ZUP1: variants seen among roughly 807,000 people sequenced by gnomAD.
ZUP1 encodes the protein zinc finger-containing ubiquitin peptidase 1.
A neutral mutation model predicts 68.1 loss-of-function variants in ZUP1; 55 were observed. The ratio of observed to expected loss-of-function variants is 0.81; its 90% CI spans 0.65 to 1.01. ZUP1 has a LOEUF of 1.01. Among genes scored for constraint, ZUP1 ranks in the 50% least tolerant of loss-of-function variants. The pLI is 0.00. For missense variants in ZUP1, 684 were observed against 674.9 expected (o/e 1.01, Z -0.15); for synonymous variants, 223 against 221.5 (o/e 1.01, Z -0.06).
Position 116,660,735 on chromosome 6 carries a change from C to G in ZUP1, c.670+1G>C, listed in dbSNP as rs1331959509. 1 of 1,546,598 alleles carries G rather than the reference C, an allele frequency of 6.5e-7. No individual in the cohort carries two copies. Among genetic ancestry groups the G allele is most frequent in the Non-Finnish European group, 8.9e-7 (1 of 1,125,418 alleles). On this transcript the variant is annotated splice_donor_variant, in intron 3 of 9. Transcript: ENST00000368576. LOFTEE classifies it high-confidence loss of function. ...TTTTATCTTCAAACATATAAACATA[C>G]CTTGCTGAAAGCTGTTTTCTTCCAA...
At chr6:116,642,742 C>CAA (rs1392459254) in intron 9 of ZUP1, among the ~76,000 whole-genome samples, 1 of 152,028 alleles carries the variant, frequency 6.6e-6, no homozygotes. Context: ...ACTGAATGGG[C>CAA]AAAAACTGGA....
intron 5 of ZUP1, among the ~76,000 whole-genome samples, chr6:116,654,836 C>T (rs1424835303): frequency 3.3e-5 from 5 of 152,036 alleles, no homozygotes; most frequent in African/African-American, 1.2e-4. Flanking sequence ...TGTATCATCT[C>T]ATAACCTGTT....
chr6:116,663,185 A>G (rs1414947340), intron 2 of ZUP1, among the ~76,000 whole-genome samples: 5 of 152,150 alleles, frequency 3.3e-5, no homozygotes, highest in Admixed American at 3.3e-4. Flanking sequence ...ACCACTCTAA[A>G]AAGTGTTTGA....
intron 2 of ZUP1, among the ~76,000 whole-genome samples, chr6:116,664,428 CA>C (rs59007786): frequency 0.31 from 37,704 of 119,998 alleles, 4,752 homozygotes; most frequent in Admixed American, 0.44. Context: ...AAAAGTCCAT[CA>C]AAAAAAAAAA....
Position 116,666,986 on chromosome 6 carries a change from T to C in ZUP1, c.207A>G (p.Gln69=), listed in dbSNP as rs751136322. 2 of 1,613,786 alleles carry C rather than the reference T, an allele frequency of 1.2e-6. No individual in the cohort carries two copies. Among genetic ancestry groups the C allele is most frequent in the Admixed American group, 1.7e-5 (1 of 60,012 alleles). ...CTTTCTTGTTATCTGAAGTTCCATA[T>C]TGTACTGTATTTATCCTCTCAAAGT... ...ERNFERINTV[Q]YGTSDNKKDN... The change falls in exon 2 of 10, where the codon CAA becomes CAG. Residue 69 remains glutamine, a synonymous_variant. Transcript: ENST00000368576.
chr6:116,654,296 T>C (rs1377726590), intron 5 of ZUP1, among the ~76,000 whole-genome samples: 1 of 151,764 alleles, frequency 6.6e-6, no homozygotes, highest in Non-Finnish European at 1.5e-5. Flanking sequence ...CACAAATAGG[T>C]GGAGAAAATG....
At chr6:116,645,400 G>A (rs764934312) in intron 9 of ZUP1, among the ~76,000 whole-genome samples, 5 of 151,646 alleles carry the variant, frequency 3.3e-5, no homozygotes, top group Non-Finnish European at 7.4e-5. Flanking sequence ...GGGCACCATG[G>A]TGAAACCCCG....
intron 5 of ZUP1, among the ~76,000 whole-genome samples, 172 bp from the exon 6 acceptor site, chr6:116,652,364 C>T (rs888050123): frequency 6.6e-6 from 1 of 152,118 alleles, no homozygotes. Flanking sequence ...TTACTACAGT[C>T]CAAGTTTCCT....
intron 9 of ZUP1, among the ~76,000 whole-genome samples, chr6:116,638,028 T>A (rs1775954330): frequency 7.1e-6 from 1 of 140,034 alleles, no homozygotes; most frequent in Non-Finnish European, 1.5e-5. Context: ...GTCAAGCCAC[T>A]GCACTCCAGC....
intron 2 of ZUP1, among the ~76,000 whole-genome samples, chr6:116,666,315 T>C (rs1777007742): frequency 6.6e-6 from 1 of 152,082 alleles, no homozygotes; most frequent in Non-Finnish European, 1.5e-5. Context: ...GGAGTCAAAA[T>C]AGAACTCAAT....
chr6:116,646,024 T>C (rs918251253), intron 8 of ZUP1, 90 bp from the exon 9 acceptor site: 8 of 884,942 alleles, frequency 9.0e-6, no homozygotes, highest in African/African-American at 1.7e-5. Context: ...ATCATATGTG[T>C]GTTTAGAATA....
At chr6:116,665,545 T>G (rs1776972867) in intron 2 of ZUP1, among the ~76,000 whole-genome samples, 3 of 149,972 alleles carry the variant, frequency 2.0e-5, no homozygotes, top group South Asian at 4.2e-4. Flanking sequence ...AAAGAACTTG[T>G]ATCCAAAATA....
intron 3 of ZUP1, among the ~76,000 whole-genome samples, chr6:116,659,628 A>T (rs1299651149): frequency 1.4e-5 from 2 of 148,074 alleles, no homozygotes; most frequent in Non-Finnish European, 2.9e-5. Context: ...AGAAAAAAAA[A>T]AAAATAAAGA....
chr6:116,658,913 C>G lies in ZUP1; in HGVS notation c.682G>C (p.Val228Leu), dbSNP rs112955838. ...AATTGTAGATCACCAGAACACTGGA[C>G]TCTATCCATGCCTGTTAGGTATTGT... ...ENSFQQGMDR[V>L]QCSGDLQLAH... is the part of the protein sequence containing the mutation. The change falls in exon 4 of 10, where the codon GTC becomes CTC. Residue 228 changes from valine (V) to leucine (L), a missense_variant. Transcript: ENST00000368576. 980 of 1,610,176 alleles carry G rather than the reference C, an allele frequency of 6.1e-4. 8 individuals carry two copies. In the African/African-American group the frequency reaches 0.012, roughly 19 times the overall value.
At chr6:116,639,000 C>T (rs940710917) in intron 9 of ZUP1, among the ~76,000 whole-genome samples, 5 of 152,144 alleles carry the variant, frequency 3.3e-5, no homozygotes, top group Admixed American at 2.0e-4. Context: ...TGCGCTTTTC[C>T]GACAGGCTTA....
chr6:116,659,776 G>A (rs1776781842), intron 3 of ZUP1, among the ~76,000 whole-genome samples: 2 of 152,100 alleles, frequency 1.3e-5, no homozygotes, highest in Non-Finnish European at 2.9e-5. Flanking sequence ...ATTTGTCAGT[G>A]GCTTCTGGCC....
In ZUP1 at chr6:116,651,436, T is replaced by C. The variant is rs140943504; in HGVS notation, c.1316+136A>G. The C allele has an allele frequency of 7.3e-4, 485 of 663,402 alleles. 3 individuals are homozygous for C. In the African/African-American group the frequency reaches 7.9e-3, roughly 11 times the overall value. The allele number at this position is 663,402 out of a possible 1,614,324, so 41.1% of individuals were successfully genotyped here. A position where few individuals can be genotyped will look rare whatever the true frequency, so the allele number is the denominator to read the frequency against. ...GAAGAGCACAAGATAGTGAATAGGCTGCTGATTTTCATTGCTACTTAATTT... is the reference window on the plus strand; with the variant it reads ...GAAGAGCACAAGATAGTGAATAGGCCGCTGATTTTCATTGCTACTTAATTT... On this transcript the variant is annotated intron_variant, in intron 7 of 9. Transcript: ENST00000368576.
At position 116,647,608 on chromosome 6, in the gene ZUP1, C is replaced by A; in HGVS notation, c.1319G>T (p.Cys440Phe). Reference protein sequence around the residue: ...YILLTSLRVKCHIVDFHKSTG... With the variant: ...YILLTSLRVKFHIVDFHKSTG... ...TGATTTGTGAAAATCAACAATATGA[C>A]ACCTATTAAAAATTGACAAAATGCA... The change falls in exon 8 of 10, where the codon TGT becomes TTT. Residue 440 changes from cysteine to phenylalanine, a missense_variant and splice_region_variant. Coordinates refer to ENST00000368576, the MANE Select transcript of ZUP1 (RefSeq NM_145062.3). The A allele has an allele frequency of 6.6e-7, 1 of 1,522,944 alleles. No individual in the cohort carries two copies. The highest frequency in any genetic ancestry group is 8.9e-7 in the Non-Finnish European group (1 of 1,123,452). 94.3% of individuals were successfully genotyped at this position (1,522,944 alleles called of 1,614,324 possible). A position where few individuals can be genotyped will look rare whatever the true frequency, so the allele number is the denominator to read the frequency against.
intron 6 of ZUP1, 33 bp from the exon 7 acceptor site, chr6:116,651,770 T>C (rs2114254512): frequency 2.5e-6 from 4 of 1,609,182 alleles, no homozygotes; most frequent in Non-Finnish European, 3.4e-6. Context: ...GTTACATGAC[T>C]GTTAATAAAG....
Sources: allele counts gnomAD v4.1 joint callset (sites outside exome capture counted in the v4.1 genomes callset), GRCh38; gene constraint gnomAD v4.1.1; transcripts MANE v1.5; gene names NCBI Gene and HGNC (gene_info 2026-07-23, HGNC 2026-07-21).